The following CEP57L1 variants were observed in gnomAD, a reference collection of about 807,000 sequenced individuals.
CEP57L1 encodes centrosomal protein CEP57L1.
A neutral mutation model predicts 61.0 loss-of-function variants in CEP57L1; 37 were observed. The observed-to-expected ratio is 0.61, with a 90% CI of 0.47 to 0.80. The LOEUF is 0.80. Ranked by LOEUF, CEP57L1 falls within the 30% of genes least tolerant of loss-of-function variation. CEP57L1 has a pLI of 0.00. For synonymous variants in CEP57L1, 137 were observed against 162.3 expected (o/e 0.84, Z 1.19); for missense variants, 422 against 524.7 (o/e 0.80, Z 1.91).
chr6:109,122,971 A>G (rs968892223), intron 1 of CEP57L1, among the ~76,000 whole-genome samples: 1 of 152,194 alleles, frequency 6.6e-6, no homozygotes, highest in African/African-American at 2.4e-5. Flanking sequence ...AATTTATATA[A>G]GAATCAGTTG....
At chr6:109,110,462 C>T (rs1159495348) in intron 1 of CEP57L1, among the ~76,000 whole-genome samples, 2 of 152,090 alleles carry the variant, frequency 1.3e-5, no homozygotes, top group African/African-American at 4.8e-5. Context: ...AATTTTCTCC[C>T]ATTCTGTAGG....
chr6:109,160,457 G>T, intron 9 of CEP57L1, 115 bp from the exon 10 acceptor site: 1 of 755,688 alleles, frequency 1.3e-6, no homozygotes. Flanking sequence ...TGTTTTTAAA[G>T]GTTAATATTT....
chr6:109,101,380 G>GT (rs1392736917), intron 1 of CEP57L1, among the ~76,000 whole-genome samples: 2 of 152,112 alleles, frequency 1.3e-5, no homozygotes, highest in African/African-American at 4.8e-5. Context: ...GAGCTCATTT[G>GT]TTTTTATCAC....
At chr6:109,122,309 A>G (rs571215159) in intron 1 of CEP57L1, among the ~76,000 whole-genome samples, 1 of 152,150 alleles carries the variant, frequency 6.6e-6, no homozygotes, top group African/African-American at 2.4e-5. Context: ...TTGTGTACAG[A>G]TGGAGACTTT....
intron 1 of CEP57L1, among the ~76,000 whole-genome samples, chr6:109,141,018 G>A (rs1173613556): frequency 6.6e-6 from 1 of 151,340 alleles, no homozygotes; most frequent in African/African-American, 2.4e-5. Flanking sequence ...TTTTAGTAGA[G>A]ATGAGGTTTC....
intron 1 of CEP57L1, among the ~76,000 whole-genome samples, chr6:109,110,228 C>T (rs9880760): frequency 2.6e-5 from 4 of 152,250 alleles, no homozygotes; most frequent in African/African-American, 7.2e-5. Flanking sequence ...TAAATGATTG[C>T]CATTCTAACT....
rs1774442465 is a variant in CEP57L1, at chr6:109,172,322, A to G, written c.*9352A>G. 6.6e-6 allele frequency among the ~76,000 whole-genome samples: 1 copy of G among 152,222 alleles called. No individual in the cohort carries two copies. The highest frequency in any genetic ancestry group is 6.5e-5 in the Admixed American group (1 of 15,286). On this transcript the variant is annotated 3_prime_UTR_variant, in exon 11 of 11. Coordinates refer to ENST00000517392, the MANE Select transcript of CEP57L1 (RefSeq NM_001271852.3). Reference sequence around the variant, plus strand: ...GTCACGTAGGCATAGCATGACTGATAGCCCATGTGGCTGACCTTCAGTTTT... The same window carrying G: ...GTCACGTAGGCATAGCATGACTGATGGCCCATGTGGCTGACCTTCAGTTTT...
chr6:109,114,247 A>G (rs552850709), intron 1 of CEP57L1, among the ~76,000 whole-genome samples: 1 of 152,278 alleles, frequency 6.6e-6, no homozygotes, highest in South Asian at 2.1e-4. Flanking sequence ...GATAATAGCC[A>G]ATCTGACAGG....
At position 109,170,211 on chromosome 6, in the gene CEP57L1, C is replaced by G. The variant is rs1239414884; in HGVS notation, c.*7241C>G. ...ACTTGTAGAAGTTTATTCACCACTA[C>G]AAATTACTAAAGTTAACCTAAACAA... is the stretch of plus-strand genomic sequence containing the variant. On this transcript the variant is annotated 3_prime_UTR_variant, in exon 11 of 11. Transcript: ENST00000517392. 6.6e-6 allele frequency among the ~76,000 whole-genome samples: 1 copy of G among 152,144 alleles called. No individual in the cohort carries two copies. Among genetic ancestry groups the G allele is most frequent in the African/African-American group, 2.4e-5 (1 of 41,440 alleles).
rs917013199 is a variant in CEP57L1, at chr6:109,170,956, A to G, written c.*7986A>G. On this transcript the variant is annotated 3_prime_UTR_variant, in exon 11 of 11. Transcript: ENST00000517392. ...TATCTGCTTTTACTTTAATCTAAAAAATAATTGATTTTTTAAAAAACTTAT... is the reference window on the plus strand; with the variant it reads ...TATCTGCTTTTACTTTAATCTAAAAGATAATTGATTTTTTAAAAAACTTAT... Among the ~76,000 whole-genome samples, 2 of 152,214 alleles carry G rather than the reference A, an allele frequency of 1.3e-5. No homozygotes were observed. The highest frequency in any genetic ancestry group is 4.8e-5 in the African/African-American group (2 of 41,456).
At position 109,101,349 on chromosome 6, in the gene CEP57L1, G is replaced by A. The variant is rs571973263; in HGVS notation, c.-4+5774G>A. On this transcript the variant is annotated intron_variant, in intron 1 of 10. Coordinates refer to ENST00000517392, the MANE Select transcript of CEP57L1 (RefSeq NM_001271852.3). ...CAATGTGCATTTATAGTTATTTTAT[G>A]TCTTTATATGTATGGCTTGGGAGCT... Among the ~76,000 whole-genome samples, 222 of 152,272 alleles carry A rather than the reference G, an allele frequency of 1.5e-3. 1 individual carries two copies. Among genetic ancestry groups the A allele is most frequent in the African/African-American group, 5.2e-3 (216 of 41,564 alleles).
chr6:109,141,404 A>C (rs1407537454), intron 1 of CEP57L1, among the ~76,000 whole-genome samples: 1 of 150,960 alleles, frequency 6.6e-6, no homozygotes, highest in Non-Finnish European at 1.5e-5. Flanking sequence ...TTTAGTAGTG[A>C]CAGGGTTTCA....
chr6:109,173,040 G>T lies in CEP57L1; in HGVS notation c.*10070G>T, dbSNP rs1453469446. Among the ~76,000 whole-genome samples, 2 of 152,170 alleles carry T rather than the reference G, an allele frequency of 1.3e-5. No individual in the cohort carries two copies. The highest frequency in any genetic ancestry group is 4.8e-5 in the African/African-American group (2 of 41,434). On this transcript the variant is annotated 3_prime_UTR_variant, in exon 11 of 11. Transcript: ENST00000517392. Reference sequence around the variant, plus strand: ...TAATGAGATGTGTGGCATGGTGATGGTTACAAAAGTGATTTGTTAATTATT... The same window carrying T: ...TAATGAGATGTGTGGCATGGTGATGTTTACAAAAGTGATTTGTTAATTATT...
chr6:109,131,262 C>A (rs543886135), intron 1 of CEP57L1, among the ~76,000 whole-genome samples: 95 of 152,078 alleles, frequency 6.2e-4, no homozygotes, highest in African/African-American at 2.2e-3. Flanking sequence ...AAAGTCATTG[C>A]ATATTTTTAA....
intron 1 of CEP57L1, among the ~76,000 whole-genome samples, chr6:109,141,204 AT>A (rs1263423877): frequency 4.0e-5 from 6 of 150,794 alleles, no homozygotes; most frequent in African/African-American, 7.3e-5. Flanking sequence ...CCTTAAATGG[AT>A]TTTTTCCCCA....
intron 1 of CEP57L1, among the ~76,000 whole-genome samples, chr6:109,103,438 T>A (rs1409759438): frequency 1.3e-5 from 2 of 152,178 alleles, no homozygotes; most frequent in Non-Finnish European, 2.9e-5. Flanking sequence ...CGATTTGAAT[T>A]CCTTAACAAG....
intron 1 of CEP57L1, among the ~76,000 whole-genome samples, chr6:109,141,573 G>A (rs1771389406): frequency 6.6e-6 from 1 of 151,918 alleles, no homozygotes; most frequent in Admixed American, 6.6e-5. Flanking sequence ...GTATTTACTA[G>A]TTTCTATTGA....
Position 109,145,085 on chromosome 6 carries a change from T to G in CEP57L1, c.-3-134T>G, listed in dbSNP as rs993351662. 5.9e-6 allele frequency: 3 copies of G among 512,578 alleles called. No homozygotes were observed. The African/African-American group carries it at 5.9e-5, about 10-fold the overall frequency. 31.8% of individuals were successfully genotyped at this position (512,578 alleles called of 1,614,324 possible). On this transcript the variant is annotated intron_variant, in intron 1 of 10. Transcript: ENST00000517392. ...TTGCCAAGCCTATTAGAGTTGAATTTATAATTAAGTTCATAAAGATACAAC... is the reference window on the plus strand; with the variant it reads ...TTGCCAAGCCTATTAGAGTTGAATTGATAATTAAGTTCATAAAGATACAAC...
intron 1 of CEP57L1, among the ~76,000 whole-genome samples, chr6:109,137,565 G>C (rs1770883463): frequency 6.6e-6 from 1 of 152,218 alleles, no homozygotes. Flanking sequence ...CTCCCAAAGT[G>C]CTGGGATTAC....
Sources: allele counts gnomAD v4.1 joint callset (sites outside exome capture counted in the v4.1 genomes callset), GRCh38; gene constraint gnomAD v4.1.1; transcripts MANE v1.5; gene names NCBI Gene and HGNC (gene_info 2026-07-23, HGNC 2026-07-21).